RNF180: variants seen among roughly 807,000 people sequenced by gnomAD.
RNF180 encodes E3 ubiquitin-protein ligase RNF180.
Under a neutral mutation model 59.2 loss-of-function variants are expected in RNF180, and 38 were observed. That is an observed-to-expected ratio of 0.64 (90% CI 0.50 to 0.84). The LOEUF is 0.84. Among genes scored for constraint, RNF180 ranks in the 40% least tolerant of loss-of-function variants. RNF180 has a pLI of 0.00. For synonymous variants in RNF180, 262 were observed against 240.3 expected, an observed-to-expected ratio of 1.09 and a Z score of -0.84; for missense variants, 705 against 700.9, an observed-to-expected ratio of 1.01 and a Z score of -0.07.
chr5:64,188,129 G>A (rs1460587442), intron 1 of RNF180, among the ~76,000 whole-genome samples: 3 of 152,132 alleles, frequency 2.0e-5, no homozygotes, highest in Non-Finnish European at 4.4e-5. Flanking sequence ...TCATCTGACA[G>A]AGTTATTATG....
At chr5:64,307,084 G>A (rs1474159847) in intron 5 of RNF180, among the ~76,000 whole-genome samples, 2 of 148,956 alleles carry the variant, frequency 1.3e-5, no homozygotes, top group Non-Finnish European at 3.0e-5. Context: ...GCTTAACTGT[G>A]AGCCAAAGGA....
intron 5 of RNF180, among the ~76,000 whole-genome samples, chr5:64,299,807 C>T (rs1479518351): frequency 6.6e-6 from 1 of 151,868 alleles, no homozygotes; most frequent in Non-Finnish European, 1.5e-5. Flanking sequence ...TTTCAGCTAC[C>T]TGTAGTCAAC....
At chr5:64,275,605 T>C (rs1305630034) in intron 5 of RNF180, among the ~76,000 whole-genome samples, 1 of 151,978 alleles carries the variant, frequency 6.6e-6, no homozygotes, top group Non-Finnish European at 1.5e-5. Context: ...TTAATTTCTA[T>C]ATTAAGCCCA....
intron 5 of RNF180, among the ~76,000 whole-genome samples, chr5:64,277,019 G>A (rs779388914): frequency 1.3e-5 from 2 of 151,544 alleles, no homozygotes; most frequent in African/African-American, 2.4e-5. Flanking sequence ...CAGCATGTTC[G>A]CTGTAGCATC....
chr5:64,196,171 A>G (rs1403111049), intron 1 of RNF180, among the ~76,000 whole-genome samples: 1 of 149,918 alleles, frequency 6.7e-6, no homozygotes, highest in African/African-American at 2.5e-5. Flanking sequence ...AAATGATGTC[A>G]TGTATTAACA....
intron 5 of RNF180, among the ~76,000 whole-genome samples, chr5:64,269,156 G>A (rs1441007703): frequency 2.0e-5 from 3 of 152,036 alleles, no homozygotes; most frequent in South Asian, 2.1e-4. Flanking sequence ...TAACTCCAGC[G>A]TGCTCTAGTC....
At chr5:64,188,398 C>T (rs1191808194) in intron 1 of RNF180, among the ~76,000 whole-genome samples, 1 of 150,666 alleles carries the variant, frequency 6.6e-6, no homozygotes, top group African/African-American at 2.4e-5. Context: ...TTATGGTTCT[C>T]GTAAACAAAA....
At chr5:64,245,096 AT>A (rs1361570161) in intron 5 of RNF180, among the ~76,000 whole-genome samples, 2 of 152,234 alleles carry the variant, frequency 1.3e-5, no homozygotes, top group East Asian at 3.8e-4. Flanking sequence ...GAAGCACTAA[AT>A]ATCGAATGGA....
chr5:64,316,892 C>A (rs1357960495), intron 5 of RNF180, among the ~76,000 whole-genome samples: 2 of 152,148 alleles, frequency 1.3e-5, no homozygotes, highest in East Asian at 1.9e-4. Flanking sequence ...TCCAGCGACC[C>A]TTCACACCCC....
chr5:64,332,002 C>T (rs1744931913), intron 7 of RNF180, among the ~76,000 whole-genome samples: 1 of 152,144 alleles, frequency 6.6e-6, no homozygotes, highest in African/African-American at 2.4e-5. Flanking sequence ...AGCTCCCTGC[C>T]CCGCCACAGC....
intron 5 of RNF180, among the ~76,000 whole-genome samples, chr5:64,288,410 T>G (rs1051037151): frequency 6.6e-6 from 1 of 152,208 alleles, no homozygotes; most frequent in African/African-American, 2.4e-5. Context: ...TATGAATTTT[T>G]AAATAGTTTC....
rs542224710 is a variant in RNF180, at chr5:64,217,645, G to A, written c.1227+249G>A. On this transcript the variant is annotated intron_variant, in intron 5 of 7. Transcript: ENST00000389100. ...ATTTTACATTTGTATATATTCTTTA[G>A]TTAAGTGTCTTCAAATCTTTTGGGC... The A allele has an allele frequency of 2.0e-5, 9 of 454,264 alleles. No individual in the cohort carries two copies. The South Asian group carries it at 9.1e-4, about 46-fold the overall frequency. 28.1% of individuals were successfully genotyped at this position (454,264 alleles called of 1,614,324 possible). A position where few individuals can be genotyped will look rare whatever the true frequency, so the allele number is the denominator to read the frequency against.
At chr5:64,182,116 G>A (rs551815113) in intron 1 of RNF180, among the ~76,000 whole-genome samples, 116 of 148,806 alleles carry the variant, frequency 7.8e-4, no homozygotes, top group African/African-American at 2.8e-3. Flanking sequence ...TCAGCCTCCC[G>A]AGTAGCTGGG....
chr5:64,200,789 T>C lies in RNF180; in HGVS notation c.1-19T>C, dbSNP rs1265803589. On this transcript the variant is annotated intron_variant, in intron 1 of 7. Transcript: ENST00000389100. ...ATCTGACAGTTTAACATTCTAAAAA[T>C]GCACTAATGTTTCCGCAGATGAAAA... 6.2e-7 allele frequency: 1 copy of C among 1,603,524 alleles called. No homozygotes were observed. The highest frequency in any genetic ancestry group is 1.3e-5 in the African/African-American group (1 of 74,586).
intron 6 of RNF180, among the ~76,000 whole-genome samples, chr5:64,325,673 G>C (rs74809187): frequency 0.019 from 2,946 of 152,238 alleles, 100 homozygotes; most frequent in African/African-American, 0.068. Context: ...GACATTTCTA[G>C]TGTTAAGGAA....
chr5:64,318,808 T>G (rs996185786), intron 5 of RNF180, among the ~76,000 whole-genome samples: 16 of 152,248 alleles, frequency 1.1e-4, no homozygotes, highest in African/African-American at 3.1e-4. Context: ...TTGCATTTAT[T>G]TAGAAAATGA....
At chr5:64,304,651 T>C (rs1001681846) in intron 5 of RNF180, among the ~76,000 whole-genome samples, 26 of 151,682 alleles carry the variant, frequency 1.7e-4, no homozygotes, top group Admixed American at 1.3e-4. Flanking sequence ...TTGCTTCTTA[T>C]GGATAAGCAA....
At chr5:64,342,221 C>A (rs1745381050) in intron 7 of RNF180, among the ~76,000 whole-genome samples, 1 of 152,074 alleles carries the variant, frequency 6.6e-6, no homozygotes, top group African/African-American at 2.4e-5. Context: ...ATCACATTTA[C>A]AAACAAATTT....
intron 5 of RNF180, among the ~76,000 whole-genome samples, chr5:64,319,940 T>C (rs1744258470): frequency 6.6e-6 from 1 of 152,192 alleles, no homozygotes; most frequent in Non-Finnish European, 1.5e-5. Context: ...GATCTGAACA[T>C]TGTTTAAAAA....
Sources: gnomAD v4.1 joint callset for allele counts (sites outside exome capture counted in the v4.1 genomes callset) on GRCh38, gnomAD v4.1.1 for gene constraint, MANE v1.5 for transcripts, NCBI Gene and HGNC (gene_info 2026-07-23, HGNC 2026-07-21) for gene names.